MLLT3: variants seen among roughly 807,000 people sequenced by gnomAD.
The protein encoded by MLLT3 is protein AF-9.
Under a neutral mutation model 53.2 loss-of-function variants are expected in MLLT3, and 4 were observed. That is an observed-to-expected ratio of 0.08 (90% CI 0.04 to 0.17). The LOEUF (loss-of-function observed/expected upper bound fraction) is 0.17, where lower values mean the gene tolerates loss of function less well. Among genes scored for constraint, MLLT3 ranks in the 10% least tolerant of loss-of-function variants. The pLI is 1.00. For synonymous variants in MLLT3, 283 were observed against 230.6 expected (o/e 1.23, Z -2.06); for missense variants, 569 against 684.0 (o/e 0.83, Z 1.87).
chr9:20,457,649 G>T (rs997443624), intron 2 of MLLT3, among the ~76,000 whole-genome samples: 1 of 151,972 alleles, frequency 6.6e-6, no homozygotes, highest in African/African-American at 2.4e-5. Context: ...CACCCAAAAG[G>T]AATGTTTACT....
chr9:20,463,670 T>A (rs1824167029), intron 2 of MLLT3, among the ~76,000 whole-genome samples: 1 of 152,188 alleles, frequency 6.6e-6, no homozygotes, highest in Non-Finnish European at 1.5e-5. Context: ...ATGTCCAGGC[T>A]AATATGATGG....
intron 2 of MLLT3, among the ~76,000 whole-genome samples, chr9:20,528,936 A>G (rs900602791): frequency 6.6e-6 from 1 of 152,198 alleles, no homozygotes; most frequent in Non-Finnish European, 1.5e-5. Context: ...AACTGTAGAC[A>G]GGGTAGGGAA....
At chr9:20,565,150 T>C (rs1269146836) in intron 2 of MLLT3, among the ~76,000 whole-genome samples, 2 of 151,820 alleles carry the variant, frequency 1.3e-5, no homozygotes, top group East Asian at 1.9e-4. Flanking sequence ...TTTTTCTCAG[T>C]ATTTAGTTTT....
intron 2 of MLLT3, among the ~76,000 whole-genome samples, chr9:20,466,589 T>C (rs888318244): frequency 2.0e-5 from 3 of 152,184 alleles, no homozygotes; most frequent in East Asian, 1.9e-4. Flanking sequence ...AACTCTGGCA[T>C]GTCTTTGGGC....
chr9:20,447,702 T>G (rs939511643), intron 4 of MLLT3, among the ~76,000 whole-genome samples: 1 of 152,130 alleles, frequency 6.6e-6, no homozygotes, highest in East Asian at 1.9e-4. Flanking sequence ...GAAGATACCT[T>G]TTTTAATAAT....
chr9:20,365,602 C>G (rs1821429837), intron 6 of MLLT3, 67 bp downstream of exon 6: 1 of 1,567,064 alleles, frequency 6.4e-7, no homozygotes, highest in Non-Finnish European at 8.8e-7. Context: ...CCCGTGTCAG[C>G]CTCCCAAAGT....
chr9:20,483,723 T>TCC (rs1563780402), intron 2 of MLLT3, among the ~76,000 whole-genome samples: 4 of 78,628 alleles, frequency 5.1e-5, no homozygotes, highest in Non-Finnish European at 2.4e-5. Flanking sequence ...TTTTTTTTTT[T>TCC]CCGAGATGGA....
chr9:20,575,789 C>G (rs972319393), intron 2 of MLLT3, among the ~76,000 whole-genome samples: 8 of 152,140 alleles, frequency 5.3e-5, no homozygotes, highest in African/African-American at 1.9e-4. Context: ...AGAGCACAGG[C>G]AGAGTAGATT....
chr9:20,464,135 C>A (rs977158294), intron 2 of MLLT3, among the ~76,000 whole-genome samples: 8 of 151,274 alleles, frequency 5.3e-5, no homozygotes, highest in African/African-American at 1.9e-4. Flanking sequence ...CTTCCATGTA[C>A]TACTTCTGGC....
chr9:20,572,481 T>C (rs915657074), intron 2 of MLLT3, among the ~76,000 whole-genome samples: 7 of 152,212 alleles, frequency 4.6e-5, no homozygotes, highest in African/African-American at 1.7e-4. Flanking sequence ...ATATAGTTTG[T>C]TATTTATTTA....
chr9:20,392,425 G>A (rs1237963878), intron 5 of MLLT3, among the ~76,000 whole-genome samples: 1 of 152,150 alleles, frequency 6.6e-6, no homozygotes, highest in African/African-American at 2.4e-5. Context: ...TTAGATTGAA[G>A]TAGCTTATAT....
chr9:20,451,533 T>C (rs1475745996), intron 3 of MLLT3, among the ~76,000 whole-genome samples: 2 of 152,142 alleles, frequency 1.3e-5, no homozygotes, highest in African/African-American at 2.4e-5. Flanking sequence ...TTTTAAAGAT[T>C]TTTTTTAAGT....
At chr9:20,361,824 TA>T (rs1367382212) in intron 7 of MLLT3, among the ~76,000 whole-genome samples, 1 of 152,204 alleles carries the variant, frequency 6.6e-6, no homozygotes, top group African/African-American at 2.4e-5. Flanking sequence ...CCTAATGTAA[TA>T]TGCTTCTCAG....
At chr9:20,543,259 A>G (rs141937904) in intron 2 of MLLT3, among the ~76,000 whole-genome samples, 134 of 152,340 alleles carry the variant, frequency 8.8e-4, no homozygotes, top group African/African-American at 3.0e-3. Context: ...ACTACTTGGT[A>G]CAAGAGGCCT....
chr9:20,510,781 A>AT (rs113932470), intron 2 of MLLT3, among the ~76,000 whole-genome samples: 4,037 of 152,210 alleles, frequency 0.027, 172 homozygotes, highest in African/African-American at 0.091. Context: ...TATTATTTAA[A>AT]TTTTTTAAAT....
intron 4 of MLLT3, chr9:20,415,345 T>C: frequency 2.5e-6 from 1 of 399,746 alleles, no homozygotes; most frequent in Non-Finnish European, 3.4e-6. Flanking sequence ...ATTTTAAATA[T>C]GATCAATTTT....
chr9:20,502,094 G>GC (rs1825255726), intron 2 of MLLT3, among the ~76,000 whole-genome samples: 1 of 47,956 alleles, frequency 2.1e-5, no homozygotes, highest in Non-Finnish European at 4.6e-5. Context: ...AAAAAAAAAA[G>GC]GGGGGGGGGG....
intron 2 of MLLT3, among the ~76,000 whole-genome samples, chr9:20,567,290 A>G (rs1252800796): frequency 7.2e-6 from 1 of 139,236 alleles, no homozygotes; most frequent in African/African-American, 2.7e-5. Context: ...AGCTGAAAGT[A>G]GTACTATATT....
chr9:20,573,001 T>C (rs1819569797), intron 2 of MLLT3, among the ~76,000 whole-genome samples: 1 of 152,152 alleles, frequency 6.6e-6, no homozygotes, highest in Non-Finnish European at 1.5e-5. Flanking sequence ...TAAAATGAAG[T>C]ACCTCCAGAT....
Sources: gnomAD v4.1 joint callset for allele counts (sites outside exome capture counted in the v4.1 genomes callset) on GRCh38, gnomAD v4.1.1 for gene constraint, MANE v1.5 for transcripts, NCBI Gene and HGNC (gene_info 2026-07-23, HGNC 2026-07-21) for gene names.